CEP68: variants seen among roughly 807,000 people sequenced by gnomAD.
CEP68 encodes the protein centrosomal protein 68, also known as centrosomal protein of 68 kDa.
In CEP68, 26 loss-of-function variants were observed where a neutral mutation model predicts 55.3. The observed-to-expected ratio is 0.47, with a 90% CI of 0.34 to 0.65. The LOEUF (loss-of-function observed/expected upper bound fraction) is 0.65. CEP68 is among the 30% of genes least tolerant of loss of function. The pLI is 0.01. For missense variants in CEP68, 957 were observed against 946.7 expected (o/e 1.01, Z -0.14); for synonymous variants, 402 against 383.2 (o/e 1.05, Z -0.57).
In CEP68 at chr2:65,071,576, G is replaced by A. The variant is rs1172623537; in HGVS notation, c.480G>A (p.Leu160=). 1 of 1,614,138 alleles carries A rather than the reference G, an allele frequency of 6.2e-7. No homozygotes were observed. Among genetic ancestry groups the A allele is most frequent in the Non-Finnish European group, 8.5e-7 (1 of 1,180,034 alleles). ...DTEDDPSLAD[L]PQALDLSQQP... ...AAGATGATCCATCCCTAGCAGATTT[G>A]CCCCAGGCACTGGACCTCAGCCAGC... Residue 160 remains leucine (L), a synonymous_variant, in exon 3 of 7, where the codon TTG becomes TTA. Transcript: ENST00000377990.
At position 65,071,502 on chromosome 2, in the gene CEP68, A is replaced by C. The variant is rs1676460078; in HGVS notation, c.406A>C (p.Ser136Arg). 2 of 1,612,312 alleles carry C rather than the reference A, an allele frequency of 1.2e-6. No homozygotes were observed. Among genetic ancestry groups the C allele is most frequent in the Non-Finnish European group, 1.7e-6 (2 of 1,179,076 alleles). Residue 136 changes from serine to arginine, a missense_variant, in exon 3 of 7, where the codon AGC becomes CGC. Ser to Arg is a moderately radical substitution (Grantham distance 110). Coordinates refer to ENST00000377990, the MANE Select transcript of CEP68 (RefSeq NM_015147.3). ...CTCCGAGGAGTTCCCTCAGACTCTGAGCCTTCCCAGAACAACAACTATTTG... is the reference window on the plus strand; with the variant it reads ...CTCCGAGGAGTTCCCTCAGACTCTGCGCCTTCCCAGAACAACAACTATTTG... ...SSSEEFPQTL[S>R]LPRTTTICSG...
rs1669036929 is a variant in CEP68 at position 65,086,674 on chromosome 2, T to C, written c.*3040T>C. Reference sequence around the variant, plus strand: ...GCATCACAGTATCTTGACATTTGTTTTGTGTCATTTAGCTACTTTAGAAAA... The same window carrying C: ...GCATCACAGTATCTTGACATTTGTTCTGTGTCATTTAGCTACTTTAGAAAA... On this transcript the variant is annotated 3_prime_UTR_variant, in exon 7 of 7. Transcript: ENST00000377990. 1 of 152,438 alleles carries C rather than the reference T, an allele frequency of 6.6e-6. No individual in the cohort carries two copies. The highest frequency in any genetic ancestry group is 1.5e-5 in the Non-Finnish European group (1 of 68,034). The allele number at this position is 152,438 out of a possible 1,614,324, so 9.4% of individuals were successfully genotyped here.
rs781321594 is a variant in CEP68 at position 65,072,869 on chromosome 2, C to G, written c.1773C>G (p.Pro591=). 1 of 1,614,226 alleles carries G rather than the reference C, an allele frequency of 6.2e-7. No homozygotes were observed. Among genetic ancestry groups the G allele is most frequent in the South Asian group, 1.1e-5 (1 of 91,078 alleles). The change falls in exon 3 of 7, where the codon CCC becomes CCG. Residue 591 remains proline, a synonymous_variant. Transcript: ENST00000377990. ...CCTCTGGACTGCTGAAAACACGCCC[C>G]TCCTTGCCAGCTAGGTTGGACCGGT... is the stretch of plus-strand genomic sequence containing the variant. ...GVSSGLLKTR[P]SLPARLDRWP...
At chr2:65,058,210 C>T (rs62140397) in intron 1 of CEP68, among the ~76,000 whole-genome samples, 16,852 of 152,056 alleles carry the variant, frequency 0.11, 1,030 homozygotes, top group Middle Eastern at 0.14. Context: ...GGTCCTTATC[C>T]GATCCCTTTT....
intron 5 of CEP68, 142 bp from the exon 6 acceptor site, chr2:65,082,394 A>G: frequency 1.7e-6 from 1 of 590,808 alleles, no homozygotes; most frequent in Non-Finnish European, 2.6e-6. Flanking sequence ...CACTGTTAAA[A>G]AAGGGCAGAC....
intron 1 of CEP68, among the ~76,000 whole-genome samples, chr2:65,062,168 G>A (rs892101607): frequency 2.0e-5 from 3 of 152,130 alleles, no homozygotes; most frequent in Non-Finnish European, 2.9e-5. Flanking sequence ...GGTAAGAGAC[G>A]AGCCCTTGCC....
Position 65,072,841 on chromosome 2 carries a change from TCTC to T in CEP68, c.1749_1751del (p.Ser584del), listed in dbSNP as rs1676562264. 6.2e-7 allele frequency: 1 copy of T among 1,613,818 alleles called. No individual in the cohort carries two copies. The highest frequency in any genetic ancestry group is 8.5e-7 in the Non-Finnish European group (1 of 1,179,976). ...CTGGGGAGCAGCCAGGCCCTCGGGG[TCTC>T]CTCTGGACTGCTGAAAACACGCCCC... On this transcript the variant is annotated inframe_deletion, in exon 3 of 7. Transcript: ENST00000377990.
At chr2:65,078,284 C>G (rs1287939742) in intron 5 of CEP68, among the ~76,000 whole-genome samples, 1 of 152,170 alleles carries the variant, frequency 6.6e-6, no homozygotes, top group Admixed American at 6.5e-5. Context: ...TAGTATTAAT[C>G]CACCATCCTT....
rs1296283995 is a variant in CEP68, at chr2:65,058,495, TCC to T, written c.-47+1968_-47+1969del. Among the ~76,000 whole-genome samples the T allele has an allele frequency of 2.7e-4, 37 of 135,840 alleles. 1 individual carries two copies. The highest frequency in any genetic ancestry group is 1.0e-3 in the African/African-American group (36 of 35,408). 89.1% of individuals were successfully genotyped at this position (135,840 alleles called of 152,430 possible). ...CACCTTATCCGATGGCTGATTTTTTTCCTTTTTTTTTTTTTTTTTTTTTTTTT... is the reference window on the plus strand; with the variant it reads ...CACCTTATCCGATGGCTGATTTTTTTTTTTTTTTTTTTTTTTTTTTTTTTT... On this transcript the variant is annotated intron_variant, in intron 1 of 6. Transcript: ENST00000377990.
intron 1 of CEP68, among the ~76,000 whole-genome samples, chr2:65,065,191 C>G (rs1416868497): frequency 6.6e-6 from 1 of 152,236 alleles, no homozygotes; most frequent in Non-Finnish European, 1.5e-5. Context: ...CAGCAGAGGG[C>G]CACTTGGCAG....
At chr2:65,057,022 C>CGTGTATGCAGCA (rs111524356) in intron 1 of CEP68, among the ~76,000 whole-genome samples, 1 of 151,896 alleles carries the variant, frequency 6.6e-6, no homozygotes, top group Non-Finnish European at 1.5e-5. Context: ...TTCTTATCGC[C>CGTGTATGCAGCA]GCGCCCAGAT....
In CEP68 at chr2:65,072,653, G is replaced by A. The variant is rs905646763; in HGVS notation, c.1557G>A (p.Leu519=). Residue 519 remains leucine (L), a synonymous_variant, in exon 3 of 7, where the codon TTG becomes TTA. Transcript: ENST00000377990. ...PTGDIKGQSP[L]EVSDSDGPAS... ...GGGATATCAAAGGGCAGAGCCCCTT[G>A]GAAGTGTCAGACAGTGATGGGCCAG... 4 of 1,614,062 alleles carry A rather than the reference G, an allele frequency of 2.5e-6. No individual in the cohort carries two copies. The highest frequency in any genetic ancestry group is 2.5e-6 in the Non-Finnish European group (3 of 1,180,030).
intron 4 of CEP68, among the ~76,000 whole-genome samples, chr2:65,076,270 T>C (rs1025809367): frequency 6.6e-6 from 1 of 152,168 alleles, no homozygotes; most frequent in African/African-American, 2.4e-5. Context: ...CTTAGTGGCC[T>C]TTCCTGGCTT....
At chr2:65,060,090 C>G (rs898804232) in intron 1 of CEP68, among the ~76,000 whole-genome samples, 1 of 151,498 alleles carries the variant, frequency 6.6e-6, no homozygotes, top group Non-Finnish European at 1.5e-5. Flanking sequence ...AATTGAGGCA[C>G]ATGGAGTGAA....
Position 65,079,744 on chromosome 2 carries a change from T to C in CEP68, c.2104+1780T>C, listed in dbSNP as rs1037622397. On this transcript the variant is annotated intron_variant, in intron 5 of 6. Transcript: ENST00000377990. ...ACAGGCCACAGGAGAAGTGGCAGCC[T>C]GGCAGAGCCCCTGGGCACTGGCTTT... 3.9e-5 allele frequency among the ~76,000 whole-genome samples: 6 copies of C among 152,238 alleles called. No homozygotes were observed. The South Asian group carries it at 1.0e-3, about 26-fold the overall frequency.
chr2:65,077,605 T>G (rs1009495459), intron 4 of CEP68, among the ~76,000 whole-genome samples: 11 of 152,334 alleles, frequency 7.2e-5, no homozygotes, highest in African/African-American at 2.6e-4. Flanking sequence ...AACTCCAAGC[T>G]GTTTGTGAGC....
At chr2:65,077,127 C>A (rs920527658) in intron 4 of CEP68, among the ~76,000 whole-genome samples, 1 of 151,090 alleles carries the variant, frequency 6.6e-6, no homozygotes, top group African/African-American at 2.4e-5. Flanking sequence ...TCCCGAGTAG[C>A]TGGGATTACA....
intron 1 of CEP68, among the ~76,000 whole-genome samples, chr2:65,056,789 G>T (rs1178801112): frequency 6.6e-6 from 1 of 152,110 alleles, no homozygotes; most frequent in East Asian, 1.9e-4. Context: ...GAGGGGTCGG[G>T]GCCGAGGCGG....
At position 65,084,327 on chromosome 2, in the gene CEP68, A is replaced by C. The variant is rs1253623675; in HGVS notation, c.*693A>C. The C allele has an allele frequency of 6.6e-6, 1 of 152,122 alleles. No individual in the cohort carries two copies. The highest frequency in any genetic ancestry group is 1.5e-5 in the Non-Finnish European group (1 of 68,028). The allele number at this position is 152,122 out of a possible 1,614,324, so 9.4% of individuals were successfully genotyped here. ...CAGTCATGCTTTAGCATGGCTATGG[A>C]GCTAATTATCAAGCTTAAAGGGTAA... On this transcript the variant is annotated 3_prime_UTR_variant, in exon 7 of 7. Coordinates refer to ENST00000377990, the MANE Select transcript of CEP68 (RefSeq NM_015147.3).
Sources: allele counts gnomAD v4.1 joint callset (sites outside exome capture counted in the v4.1 genomes callset), GRCh38; gene constraint gnomAD v4.1.1; transcripts MANE v1.5; gene names NCBI Gene and HGNC (gene_info 2026-07-23, HGNC 2026-07-21).